The following FHIP1A variants were observed in gnomAD, a reference collection of about 807,000 sequenced individuals.
FHIP1A encodes the protein FHF complex subunit HOOK-interacting protein 1A.
A neutral mutation model predicts 88.6 loss-of-function variants in FHIP1A; 61 were observed. The ratio of observed to expected loss-of-function variants is 0.69; its 90% CI spans 0.56 to 0.85. The LOEUF (loss-of-function observed/expected upper bound fraction) is 0.85. Among genes scored for constraint, FHIP1A ranks in the 40% least tolerant of loss-of-function variants. The pLI, the probability that FHIP1A is intolerant of heterozygous loss-of-function variation, is 0.00. For synonymous variants in FHIP1A, 478 were observed against 496.0 expected (o/e 0.96, Z 0.48); for missense variants, 1,154 against 1,273.5 (o/e 0.91, Z 1.43).
intron 9 of FHIP1A, 150 bp downstream of exon 9, chr4:151,638,906 C>G (rs924836486): frequency 4.7e-6 from 2 of 429,398 alleles, no homozygotes; most frequent in Middle Eastern, 5.9e-4. Context: ...AAAATTATCA[C>G]GAACATTAAT....
intron 1 of FHIP1A, among the ~76,000 whole-genome samples, chr4:151,434,344 A>G (rs933416371): frequency 6.6e-6 from 1 of 152,206 alleles, no homozygotes; most frequent in Non-Finnish European, 1.5e-5. Context: ...TACTATATGA[A>G]TGAGATATTC....
At chr4:151,634,178 A>G (rs949874445) in intron 8 of FHIP1A, among the ~76,000 whole-genome samples, 41 of 151,992 alleles carry the variant, frequency 2.7e-4, no homozygotes, top group African/African-American at 9.6e-4. Context: ...ATAGCATCAA[A>G]AAGAATAAAA....
intron 3 of FHIP1A, among the ~76,000 whole-genome samples, chr4:151,500,514 G>T (rs1730614790): frequency 6.6e-6 from 1 of 151,422 alleles, no homozygotes; most frequent in African/African-American, 2.4e-5. Flanking sequence ...TGTCACTTGG[G>T]GCAACTTACT....
intron 7 of FHIP1A, among the ~76,000 whole-genome samples, chr4:151,607,285 C>T (rs1345865122): frequency 1.3e-5 from 2 of 152,188 alleles, no homozygotes; most frequent in Non-Finnish European, 2.9e-5. Flanking sequence ...TCAGTAAACA[C>T]AATTGAACGA....
chr4:151,560,387 A>G (rs1193206430), intron 3 of FHIP1A, among the ~76,000 whole-genome samples: 1 of 152,160 alleles, frequency 6.6e-6, no homozygotes, highest in African/African-American at 2.4e-5. Context: ...CTACTCTTCC[A>G]GAGAACATGA....
intron 2 of FHIP1A, among the ~76,000 whole-genome samples, chr4:151,463,933 T>C (rs1276601329): frequency 6.6e-6 from 1 of 152,244 alleles, no homozygotes; most frequent in African/African-American, 2.4e-5. Context: ...CTCCTATATA[T>C]GATATCCAGA....
At chr4:151,602,696 A>G (rs1194590521) in intron 7 of FHIP1A, among the ~76,000 whole-genome samples, 8 of 152,208 alleles carry the variant, frequency 5.3e-5, no homozygotes, top group Non-Finnish European at 8.8e-5. Flanking sequence ...ATTGATATCC[A>G]TAGTAAGCAG....
At chr4:151,580,914 G>A (rs1297082260) in intron 5 of FHIP1A, among the ~76,000 whole-genome samples, 2 of 152,174 alleles carry the variant, frequency 1.3e-5, no homozygotes, top group Non-Finnish European at 2.9e-5. Context: ...CTGGAGTGCA[G>A]TGGTGCGATC....
At chr4:151,479,271 C>T (rs1729815192) in intron 2 of FHIP1A, among the ~76,000 whole-genome samples, 1 of 152,054 alleles carries the variant, frequency 6.6e-6, no homozygotes, top group African/African-American at 2.4e-5. Flanking sequence ...TAATTTTGAA[C>T]AGGTCACTCA....
intron 1 of FHIP1A, among the ~76,000 whole-genome samples, chr4:151,441,638 CAT>C (rs1488330103): frequency 1.3e-5 from 2 of 152,188 alleles, no homozygotes; most frequent in Non-Finnish European, 2.9e-5. Context: ...GGGTCTCAGA[CAT>C]TGGCTTAAGA....
intron 1 of FHIP1A, among the ~76,000 whole-genome samples, chr4:151,432,352 GTCATGAAT>G (rs1733623669): frequency 6.6e-6 from 1 of 152,162 alleles, no homozygotes. Context: ...CATTCATCTA[GTCATGAAT>G]TCATGAATTC....
intron 3 of FHIP1A, among the ~76,000 whole-genome samples, chr4:151,500,920 T>C (rs1266939103): frequency 6.6e-6 from 1 of 152,246 alleles, no homozygotes; most frequent in African/African-American, 2.4e-5. Flanking sequence ...TATTTTTAGC[T>C]GACAAAAATT....
At position 151,665,716 on chromosome 4, in the gene FHIP1A, A is replaced by C. The variant is rs1232037890; in HGVS notation, c.*2962A>C. On this transcript the variant is annotated 3_prime_UTR_variant, in exon 14 of 14. Coordinates refer to ENST00000435205, the MANE Select transcript of FHIP1A (RefSeq NM_001109977.3). The stretch of plus-strand genomic sequence containing the variant: ...GAATGGGAACTCCTTGTCAGGAAAA[A>C]AATCATTGGCAATGAAGTAGAATAT... 6.6e-6 allele frequency among the ~76,000 whole-genome samples: 1 copy of C among 152,244 alleles called. No homozygotes were observed. The highest frequency in any genetic ancestry group is 2.4e-5 in the African/African-American group (1 of 41,460).
rs1489906653 is a variant in FHIP1A at position 151,667,703 on chromosome 4, A to G, written c.*4949A>G. 6.6e-6 allele frequency among the ~76,000 whole-genome samples: 1 copy of G among 152,184 alleles called. No homozygotes were observed. Among genetic ancestry groups the G allele is most frequent in the African/African-American group, 2.4e-5 (1 of 41,450 alleles). ...CTGATCATGATTTTAGCTAGGACTG[A>G]CCTTTCCTAGCTTGTAGGGTCACTG... On this transcript the variant is annotated 3_prime_UTR_variant, in exon 14 of 14. Transcript: ENST00000435205.
At chr4:151,636,438 A>G (rs866814118) in intron 8 of FHIP1A, among the ~76,000 whole-genome samples, 19 of 152,144 alleles carry the variant, frequency 1.2e-4, no homozygotes, top group Admixed American at 5.2e-4. Context: ...AAAATGAAAT[A>G]AATGCATTTA....
chr4:151,504,032 A>C (rs972288291), intron 3 of FHIP1A, among the ~76,000 whole-genome samples: 2 of 152,260 alleles, frequency 1.3e-5, no homozygotes, highest in African/African-American at 4.8e-5. Context: ...TATTTGTACA[A>C]ACAATAGCCC....
intron 3 of FHIP1A, among the ~76,000 whole-genome samples, chr4:151,552,720 A>C (rs62329094): frequency 0.011 from 1,611 of 152,138 alleles, 21 homozygotes; most frequent in Non-Finnish European, 0.018. Flanking sequence ...GAAATACCTA[A>C]TGTAAATGAC....
At chr4:151,411,142 A>G (rs1419542383) in intron 1 of FHIP1A, among the ~76,000 whole-genome samples, 3 of 152,152 alleles carry the variant, frequency 2.0e-5, no homozygotes, top group East Asian at 1.9e-4. Context: ...ATTTTTACAT[A>G]GTCAGAGTGA....
chr4:151,588,031 T>C (rs1734284999), intron 6 of FHIP1A, among the ~76,000 whole-genome samples: 2 of 152,246 alleles, frequency 1.3e-5, no homozygotes, highest in South Asian at 4.1e-4. Context: ...TTTCTCTTTT[T>C]CATTTTCTTC....
Sources: gnomAD v4.1 joint callset for allele counts (sites outside exome capture counted in the v4.1 genomes callset) on GRCh38, gnomAD v4.1.1 for gene constraint, MANE v1.5 for transcripts, NCBI Gene and HGNC (gene_info 2026-07-23, HGNC 2026-07-21) for gene names.